Variants in TJP1 observed in about 807,000 individuals in gnomAD.
The protein encoded by TJP1 is tight junction protein 1, also known as tight junction protein ZO-1.
A neutral mutation model predicts 194.2 loss-of-function variants in TJP1; 43 were observed. The ratio of observed to expected loss-of-function variants is 0.22; its 90% CI spans 0.17 to 0.29. The LOEUF is 0.29. Among genes scored for constraint, TJP1 ranks in the 10% least tolerant of loss-of-function variants. The pLI, the probability that TJP1 is intolerant of heterozygous loss-of-function variation, is 1.00. For missense variants in TJP1, 1,971 were observed against 2,185.7 expected, an observed-to-expected ratio of 0.90 and a Z score of 1.96; for synonymous variants, 801 against 779.0, an observed-to-expected ratio of 1.03 and a Z score of -0.47.
chr15:29,952,313 G>A (rs1305951551), intron 2 of TJP1, among the ~76,000 whole-genome samples: 1 of 152,200 alleles, frequency 6.6e-6, no homozygotes, highest in Non-Finnish European at 1.5e-5. Context: ...CTGCCTCAAG[G>A]AACCAGGGAG....
At chr15:29,805,361 G>C (rs1305542011) in intron 1 of TJP1, among the ~76,000 whole-genome samples, 1 of 152,172 alleles carries the variant, frequency 6.6e-6, no homozygotes, top group African/African-American at 2.4e-5. Flanking sequence ...AAAGATAGGA[G>C]GGCACAATAA....
intron 2 of TJP1, among the ~76,000 whole-genome samples, chr15:29,898,028 T>C (rs553606738): frequency 1.2e-3 from 181 of 152,200 alleles, no homozygotes; most frequent in African/African-American, 4.3e-3. Flanking sequence ...GCATGATTGG[T>C]TTTGAAATGT....
chr15:29,719,638 T>C (rs1263145468), intron 20 of TJP1, 139 bp downstream of exon 20: 7 of 1,109,664 alleles, frequency 6.3e-6, no homozygotes, highest in Non-Finnish European at 7.5e-6. Context: ...ACTGAAATGA[T>C]TTGTATTGAT....
At chr15:29,814,013 A>G (rs2049719802) in intron 1 of TJP1, among the ~76,000 whole-genome samples, 1 of 152,262 alleles carries the variant, frequency 6.6e-6, no homozygotes, top group South Asian at 2.1e-4. Context: ...GGAGCTGTTA[A>G]GCATATAAGC....
chr15:29,713,687 T>G (rs1281857907), intron 23 of TJP1, among the ~76,000 whole-genome samples: 2 of 152,322 alleles, frequency 1.3e-5, no homozygotes, highest in Non-Finnish European at 1.5e-5. Context: ...GACAAGAGTA[T>G]GAAAAAGCAT....
chr15:29,906,729 A>G (rs962011540), intron 2 of TJP1, among the ~76,000 whole-genome samples: 1 of 151,478 alleles, frequency 6.6e-6, no homozygotes, highest in Non-Finnish European at 1.5e-5. Flanking sequence ...ACAGGTGTGT[A>G]TCACCACACC....
chr15:29,761,761 A>C lies in TJP1; in HGVS notation c.702T>G (p.Gly234=), dbSNP rs1431084906. 9.7e-6 allele frequency: 15 copies of C among 1,545,312 alleles called. No homozygotes were observed. Among genetic ancestry groups the C allele is most frequent in the Non-Finnish European group, 1.3e-5 (15 of 1,135,012 alleles). ...TCAATGACATATTTTCTGTCACAGT[A>C]CCATTTATCTGCAACAGAAAATAAA... ...QEGDVVLKIN[G]TVTENMSLTD... The change falls in exon 7 of 28, where the codon GGT becomes GGG. Residue 234 remains glycine, a synonymous_variant. Transcript: ENST00000614355.
At chr15:29,811,685 CAGG>C (rs1171234809) in intron 1 of TJP1, among the ~76,000 whole-genome samples, 1 of 152,180 alleles carries the variant, frequency 6.6e-6, no homozygotes, top group Non-Finnish European at 1.5e-5. Flanking sequence ...AAAAGTATCT[CAGG>C]AACCCAAGGA....
intron 2 of TJP1, among the ~76,000 whole-genome samples, chr15:29,917,294 T>C (rs1275657277): frequency 2.0e-5 from 3 of 152,226 alleles, no homozygotes; most frequent in African/African-American, 7.2e-5. Context: ...TTTTCATTTG[T>C]ATGTGAGTGG....
rs397975539 is a variant in TJP1, at chr15:29,864,237, C to CAAAAAAAAAAAAAAAAA, written c.307-63552_307-63536dup. Among the ~76,000 whole-genome samples the CAAAAAAAAAAAAAAAAA allele has an allele frequency of 8.4e-4, 16 of 18,944 alleles. 4 individuals carry two copies. Among genetic ancestry groups the CAAAAAAAAAAAAAAAAA allele is most frequent in the Admixed American group, 1.0e-3 (1 of 972 alleles). The allele number at this position is 18,944 out of a possible 152,430, so 12.4% of individuals were successfully genotyped here. A position where few individuals can be genotyped will look rare whatever the true frequency, so the allele number is the denominator to read the frequency against. ...TGAAACCCCGTCTCTACTAAAAATA[C>CAAAAAAAAAAAAAAAAA]AAAAAAAAAAAAAAAAAAAAAAAAA... On this transcript the variant is annotated intron_variant, in intron 2 of 28. Transcript: ENST00000356107.
intron 2 of TJP1, among the ~76,000 whole-genome samples, chr15:29,915,964 T>C (rs1334682638): frequency 6.6e-6 from 1 of 152,176 alleles, no homozygotes; most frequent in Non-Finnish European, 1.5e-5. Flanking sequence ...TGTCCTCTTT[T>C]TAAAACTGAT....
intron 8 of TJP1, chr15:29,760,273 A>AT: frequency 1.4e-6 from 1 of 702,250 alleles, no homozygotes; most frequent in Non-Finnish European, 2.6e-6. Flanking sequence ...GAGAAGGATC[A>AT]TAATTTTCTT....
intron 2 of TJP1, among the ~76,000 whole-genome samples, chr15:29,894,689 A>C (rs2053422054): frequency 6.6e-6 from 1 of 152,142 alleles, no homozygotes; most frequent in Non-Finnish European, 1.5e-5. Context: ...ACTGGTCTGG[A>C]GTCATGTGGT....
intron 2 of TJP1, among the ~76,000 whole-genome samples, chr15:29,884,323 T>C (rs554042811): frequency 2.0e-5 from 3 of 152,208 alleles, no homozygotes; most frequent in African/African-American, 7.2e-5. Context: ...TGGGGGTATA[T>C]TGAATGTGCA....
At chr15:29,762,233 T>A in intron 6 of TJP1, 102 bp downstream of exon 6, 1 of 921,356 alleles carries the variant, frequency 1.1e-6, no homozygotes, top group South Asian at 1.8e-5. Flanking sequence ...TGATTTTTAA[T>A]TCTCTTTGGC....
chr15:29,743,660 G>A (rs1464454534), intron 8 of TJP1, among the ~76,000 whole-genome samples: 1 of 152,158 alleles, frequency 6.6e-6, no homozygotes, highest in African/African-American at 2.4e-5. Context: ...CGAGGAGTTG[G>A]AGGCTGAAGT....
At chr15:29,859,246 G>A (rs922687552) in intron 2 of TJP1, among the ~76,000 whole-genome samples, 1 of 152,046 alleles carries the variant, frequency 6.6e-6, no homozygotes, top group Admixed American at 6.6e-5. Context: ...CAAAGTGTTC[G>A]CATCTATTAT....
In TJP1 at chr15:29,753,229, A is replaced by C. The variant is rs553516185; in HGVS notation, c.1010+7910T>G. 5.9e-5 allele frequency among the ~76,000 whole-genome samples: 9 copies of C among 152,166 alleles called. No individual in the cohort carries two copies. In the South Asian group the frequency reaches 1.9e-3, roughly 32 times the overall value. On this transcript the variant is annotated intron_variant, in intron 8 of 27. Transcript: ENST00000614355. ...CCAGGCGCAGTGGCTCACGCCTGTA[A>C]TCCCAGCACTTTGGGAGGCTGAGGC...
chr15:29,850,626 C>T (rs990847547), intron 2 of TJP1, among the ~76,000 whole-genome samples: 11 of 151,926 alleles, frequency 7.2e-5, no homozygotes, highest in African/African-American at 2.4e-4. Flanking sequence ...TGAGCCACCG[C>T]GCCCAGCCAA....
Sources: allele counts gnomAD v4.1 joint callset (sites outside exome capture counted in the v4.1 genomes callset), GRCh38; gene constraint gnomAD v4.1.1; transcripts MANE v1.5; gene names NCBI Gene and HGNC (gene_info 2026-07-23, HGNC 2026-07-21).